Variants in MBOAT2 observed in about 807,000 individuals in gnomAD.
MBOAT2 encodes the protein membrane-bound glycerophospholipid O-acyltransferase 2.
In MBOAT2, 28 loss-of-function variants were observed where a neutral mutation model predicts 63.4. The ratio of observed to expected loss-of-function variants is 0.44; its 90% CI spans 0.33 to 0.61. MBOAT2 has a LOEUF of 0.61. Among genes scored for constraint, MBOAT2 ranks in the 20% least tolerant of loss-of-function variants. The probability of loss-of-function intolerance (pLI) is 0.03; values close to 1 mark genes in which losing one functional copy is unlikely to be tolerated. For synonymous variants in MBOAT2, 211 were observed against 215.6 expected, an observed-to-expected ratio of 0.98 and a Z score of 0.19; for missense variants, 470 against 605.8, an observed-to-expected ratio of 0.78 and a Z score of 2.35.
chr2:8,853,135 C>G lies in MBOAT2; in HGVS notation c.*5544G>C, dbSNP rs1660871589. 6.6e-6 allele frequency: 1 copy of G among 152,188 alleles called. No individual in the cohort carries two copies. The highest frequency in any genetic ancestry group is 2.1e-4 in the South Asian group (1 of 4,834). 9.4% of individuals were successfully genotyped at this position (152,188 alleles called of 1,614,324 possible). ...AAAGGAAGGCAGGAATGAAATCACA[C>G]ATTTTCACTCTGTATATGGAAGAAT... On this transcript the variant is annotated 3_prime_UTR_variant, in exon 13 of 13. Transcript: ENST00000305997.
chr2:8,976,957 T>C (rs1307135366), intron 1 of MBOAT2, among the ~76,000 whole-genome samples: 4 of 152,132 alleles, frequency 2.6e-5, no homozygotes, highest in African/African-American at 4.8e-5. Context: ...TACTATATGA[T>C]TCTATTTAGA....
At chr2:8,896,474 T>G (rs1362919427) in intron 4 of MBOAT2, among the ~76,000 whole-genome samples, 1 of 152,136 alleles carries the variant, frequency 6.6e-6, no homozygotes, top group African/African-American at 2.4e-5. Flanking sequence ...TAAGGATAGA[T>G]TTCGTCACTT....
intron 1 of MBOAT2, among the ~76,000 whole-genome samples, chr2:8,969,114 C>T (rs968665188): frequency 1.3e-5 from 2 of 152,098 alleles, no homozygotes; most frequent in Non-Finnish European, 2.9e-5. Context: ...TTAAGGGCAG[C>T]CAGAGAGAAA....
chr2:8,922,122 C>T (rs531598515), intron 3 of MBOAT2, among the ~76,000 whole-genome samples: 1 of 152,226 alleles, frequency 6.6e-6, no homozygotes, highest in African/African-American at 2.4e-5. Context: ...CCCTTAAGTT[C>T]ACTGATGCTT....
At chr2:8,887,945 T>G in intron 5 of MBOAT2, 73 bp downstream of exon 5, 1 of 1,345,476 alleles carries the variant, frequency 7.4e-7, no homozygotes. Context: ...CAGAAAGTTA[T>G]GGCAATATCT....
intron 2 of MBOAT2, 134 bp from the exon 3 acceptor site, chr2:8,943,398 G>C: frequency 2.0e-6 from 1 of 493,716 alleles, no homozygotes; most frequent in Non-Finnish European, 3.6e-6. Flanking sequence ...AACTTCAGGA[G>C]CTTAAAATCC....
chr2:8,948,506 T>C (rs182545742), intron 2 of MBOAT2, among the ~76,000 whole-genome samples: 189 of 152,288 alleles, frequency 1.2e-3, no homozygotes, highest in African/African-American at 4.0e-3. Flanking sequence ...CTCCCACCTC[T>C]AGTAGTCCCC....
chr2:8,863,946 G>A (rs1460616392), intron 10 of MBOAT2, among the ~76,000 whole-genome samples: 1 of 152,168 alleles, frequency 6.6e-6, no homozygotes, highest in Non-Finnish European at 1.5e-5. Flanking sequence ...TGAGAGGGCA[G>A]GATAGCTGCA....
At chr2:8,878,437 C>T (rs921556637) in intron 6 of MBOAT2, among the ~76,000 whole-genome samples, 4 of 152,168 alleles carry the variant, frequency 2.6e-5, no homozygotes, top group African/African-American at 9.7e-5. Flanking sequence ...AGTCCATGCT[C>T]CTCTCTGAAT....
chr2:8,979,262 A>ATCTT (rs1389073899), intron 1 of MBOAT2, among the ~76,000 whole-genome samples: 2 of 152,174 alleles, frequency 1.3e-5, no homozygotes, highest in African/African-American at 4.8e-5. Flanking sequence ...GATCAGTGGT[A>ATCTT]TCTTGCCTTT....
chr2:8,891,554 C>G (rs140267894), intron 4 of MBOAT2, among the ~76,000 whole-genome samples: 3 of 152,282 alleles, frequency 2.0e-5, no homozygotes, highest in South Asian at 2.1e-4. Flanking sequence ...ATCTCTGGTT[C>G]AGGACAATTA....
At chr2:8,937,431 T>C (rs756029368) in intron 3 of MBOAT2, among the ~76,000 whole-genome samples, 2 of 152,164 alleles carry the variant, frequency 1.3e-5, no homozygotes, top group Non-Finnish European at 2.9e-5. Flanking sequence ...ATCACAGAAT[T>C]TGCAGTCAAT....
At chr2:8,993,280 C>T (rs756361212) in intron 1 of MBOAT2, among the ~76,000 whole-genome samples, 52 of 152,150 alleles carry the variant, frequency 3.4e-4, no homozygotes, top group Non-Finnish European at 6.5e-4. Flanking sequence ...TTTTAAGTAA[C>T]CCATTTTAAA....
chr2:8,967,196 G>A (rs955051712), intron 1 of MBOAT2, among the ~76,000 whole-genome samples: 14 of 152,158 alleles, frequency 9.2e-5, no homozygotes, highest in African/African-American at 3.1e-4. Flanking sequence ...AAGTGTTTAC[G>A]TATGAAGGGA....
Position 8,858,574 on chromosome 2 carries a change from C to T in MBOAT2, c.*105G>A. 1.3e-6 allele frequency: 1 copy of T among 792,320 alleles called. No individual in the cohort carries two copies. The highest frequency in any genetic ancestry group is 1.7e-5 in the African/African-American group (1 of 57,838). The allele number at this position is 792,320 out of a possible 1,614,324, so 49.1% of individuals were successfully genotyped here. A position where few individuals can be genotyped will look rare whatever the true frequency, so the allele number is the denominator to read the frequency against. Reference sequence around the variant, plus strand: ...TTCCTTATCTATAACTGTCCATTTCCCCCCAGTTAACTGCTTTTCCAACAA... The same window carrying T: ...TTCCTTATCTATAACTGTCCATTTCTCCCCAGTTAACTGCTTTTCCAACAA... On this transcript the variant is annotated 3_prime_UTR_variant, in exon 13 of 13. Coordinates refer to ENST00000305997, the MANE Select transcript of MBOAT2 (RefSeq NM_138799.4).
At chr2:8,983,196 C>T (rs1671320583) in intron 1 of MBOAT2, among the ~76,000 whole-genome samples, 1 of 152,056 alleles carries the variant, frequency 6.6e-6, no homozygotes, top group African/African-American at 2.4e-5. Flanking sequence ...TCATATGATA[C>T]AGATGTAAAA....
At chr2:8,945,062 T>C (rs1668319124) in intron 2 of MBOAT2, among the ~76,000 whole-genome samples, 1 of 152,228 alleles carries the variant, frequency 6.6e-6, no homozygotes, top group South Asian at 2.1e-4. Context: ...CTACAAGTCT[T>C]ACTTCTCAAA....
intron 1 of MBOAT2, among the ~76,000 whole-genome samples, chr2:8,967,796 C>A (rs1348516885): frequency 2.0e-5 from 3 of 151,932 alleles, no homozygotes; most frequent in Non-Finnish European, 4.4e-5. Flanking sequence ...TTGAGTATAA[C>A]ACAAACTTTG....
intron 1 of MBOAT2, among the ~76,000 whole-genome samples, chr2:8,978,070 C>A (rs1311456676): frequency 6.6e-6 from 1 of 152,108 alleles, no homozygotes; most frequent in East Asian, 1.9e-4. Context: ...GCCACCAATA[C>A]CCAGACCCTA....
Sources: gnomAD v4.1 joint callset for allele counts (sites outside exome capture counted in the v4.1 genomes callset) on GRCh38, gnomAD v4.1.1 for gene constraint, MANE v1.5 for transcripts, NCBI Gene and HGNC (gene_info 2026-07-23, HGNC 2026-07-21) for gene names.